MRTFB: variants seen among roughly 807,000 people sequenced by gnomAD.
MRTFB encodes the protein myocardin related transcription factor B, also known as myocardin-related transcription factor B.
MRTFB carries 29 observed loss-of-function variants against 104.2 expected under a neutral mutation model. The observed-to-expected ratio is 0.28, with a 90% CI of 0.21 to 0.38. MRTFB has a LOEUF of 0.38. Among genes scored for constraint, MRTFB ranks in the 10% least tolerant of loss-of-function variants. The pLI is 1.00. For synonymous variants in MRTFB, 535 were observed against 519.5 expected (o/e 1.03, Z -0.41); for missense variants, 1,270 against 1,341.6 (o/e 0.95, Z 0.83).
At chr16:14,041,557 T>C in the MRTFB span, among the ~76,000 whole-genome samples, 1 of 152,234 alleles carries the variant, frequency 6.6e-6, no homozygotes, top group African/African-American at 2.4e-5. Context: ...TTTATTCATG[T>C]ATCCATCAAT....
At chr16:14,007,118 T>A in the MRTFB span, among the ~76,000 whole-genome samples, 1 of 152,244 alleles carries the variant, frequency 6.6e-6, no homozygotes, top group Non-Finnish European at 1.5e-5. Context: ...TGGCTTTCAG[T>A]AAATTCAGAG....
intron 1 of MRTFB, among the ~76,000 whole-genome samples, chr16:14,073,318 T>G (rs942049541): frequency 7.9e-5 from 12 of 152,202 alleles, no homozygotes; most frequent in African/African-American, 2.9e-4. Flanking sequence ...AAACCCTAAA[T>G]GCCAGCGGTG....
chr16:14,076,892 G>C (rs2034095921), intron 1 of MRTFB, among the ~76,000 whole-genome samples: 1 of 152,158 alleles, frequency 6.6e-6, no homozygotes, highest in East Asian at 1.9e-4. Flanking sequence ...GAATCGGGGT[G>C]AGCATCTTTT....
chr16:14,193,346 AG>A (rs1455443737), intron 3 of MRTFB, among the ~76,000 whole-genome samples: 1 of 151,898 alleles, frequency 6.6e-6, no homozygotes, highest in African/African-American at 2.4e-5. Context: ...TGGGGTAAAA[AG>A]CCTTGCCTAT....
chr16:14,246,927 C>G lies in MRTFB; in HGVS notation c.1667C>G (p.Thr556Ser), dbSNP rs1210856332. ...AATAATGAAGACAGTCTGAGTCCCA[C>G]CAGCAGCACTCTGTCAAACCTGGAA... ...MTNNEDSLSP[T>S]SSTLSNLELD... Residue 556 changes from threonine (T) to serine (S), a missense_variant, in exon 12 of 17, where the codon ACC becomes AGC. Thr to Ser is a moderately conservative substitution (Grantham distance 58). This residue lies in a region of MRTFB where 1,144 missense variants were observed against 1,131.5 expected (regional missense o/e 1.01). Coordinates refer to ENST00000571589, the MANE Select transcript of MRTFB (RefSeq NM_001308142.2). 1 of 1,613,988 alleles carries G rather than the reference C, an allele frequency of 6.2e-7. No homozygotes were observed. Among genetic ancestry groups the G allele is most frequent in the Admixed American group, 1.7e-5 (1 of 60,018 alleles).
intron 3 of MRTFB, among the ~76,000 whole-genome samples, chr16:14,157,687 C>G (rs1333090840): frequency 6.6e-6 from 1 of 152,152 alleles, no homozygotes; most frequent in East Asian, 1.9e-4. Context: ...CAGATAGATG[C>G]AGCTCCAACA....
chr16:14,193,373 T>C (rs1043448743), intron 3 of MRTFB, among the ~76,000 whole-genome samples: 3 of 152,094 alleles, frequency 2.0e-5, no homozygotes, highest in African/African-American at 7.2e-5. Flanking sequence ...CAGAAGCCGC[T>C]GGACTTGCTC....
chr16:14,223,718 C>T (rs979523563), intron 8 of MRTFB, among the ~76,000 whole-genome samples: 1 of 152,024 alleles, frequency 6.6e-6, no homozygotes, highest in African/African-American at 2.4e-5. Context: ...ACTTAAGAGA[C>T]TTATAGGACA....
chr16:14,207,001 C>G (rs2040976020), intron 3 of MRTFB, among the ~76,000 whole-genome samples: 1 of 152,040 alleles, frequency 6.6e-6, no homozygotes. Context: ...GCCTCCCCTT[C>G]CATTCATGTT....
intron 3 of MRTFB, among the ~76,000 whole-genome samples, chr16:14,150,033 T>C (rs2038535655): frequency 6.6e-6 from 1 of 152,158 alleles, no homozygotes; most frequent in Non-Finnish European, 1.5e-5. Flanking sequence ...TCTTAGGCTC[T>C]CAGTACATGT....
intron 3 of MRTFB, among the ~76,000 whole-genome samples, chr16:14,155,298 T>C (rs2038787739): frequency 6.6e-6 from 1 of 152,202 alleles, no homozygotes; most frequent in African/African-American, 2.4e-5. Context: ...CTTTTACCTT[T>C]AGAAGTTTTA....
intron 8 of MRTFB, among the ~76,000 whole-genome samples, chr16:14,224,906 T>C (rs1482295070): frequency 6.6e-6 from 1 of 152,180 alleles, no homozygotes; most frequent in Non-Finnish European, 1.5e-5. Flanking sequence ...TAAAATTGGC[T>C]GGGCACGGTG....
At chr16:14,085,815 A>G (rs1337783307) in intron 2 of MRTFB, among the ~76,000 whole-genome samples, 1 of 152,244 alleles carries the variant, frequency 6.6e-6, no homozygotes, top group African/African-American at 2.4e-5. Context: ...AAACATAGAC[A>G]ATTATAGTGA....
chr16:14,254,188 T>C (rs1351637292), intron 15 of MRTFB, among the ~76,000 whole-genome samples: 5 of 152,232 alleles, frequency 3.3e-5, no homozygotes, highest in African/African-American at 1.2e-4. Context: ...TTATATGCCA[T>C]TGAGCACCAA....
rs548181793 is a variant in MRTFB at position 14,212,244 on chromosome 16, G to T, written c.221-110G>T. The T allele has an allele frequency of 1.1e-5, 11 of 1,006,284 alleles. No homozygotes were observed. The African/African-American group carries it at 1.3e-4, about 12-fold the overall frequency. 62.3% of individuals were successfully genotyped at this position (1,006,284 alleles called of 1,614,324 possible). On this transcript the variant is annotated intron_variant, in intron 4 of 16. Transcript: ENST00000571589. The stretch of plus-strand genomic sequence containing the variant: ...TCCTAATGGAACTGGTAAATTAATG[G>T]AACTGTAGTTGTGATCTGTTAATAA...
At chr16:14,222,928 C>T (rs1029071881) in intron 8 of MRTFB, among the ~76,000 whole-genome samples, 1 of 151,786 alleles carries the variant, frequency 6.6e-6, no homozygotes, top group Admixed American at 6.6e-5. Context: ...ACCTATAATC[C>T]CAGCTTACTT....
At chr16:14,133,590 C>A (rs940235100) in intron 2 of MRTFB, among the ~76,000 whole-genome samples, 2 of 152,078 alleles carry the variant, frequency 1.3e-5, no homozygotes, top group Admixed American at 1.3e-4. Context: ...CCCTTTCTTT[C>A]GTTCATCTCT....
At chr16:14,180,587 AC>A (rs531484574) in intron 3 of MRTFB, among the ~76,000 whole-genome samples, 115 of 152,288 alleles carry the variant, frequency 7.6e-4, no homozygotes, top group African/African-American at 2.7e-3. Flanking sequence ...TAGTCAGAAC[AC>A]TTGTGTTGCA....
At chr16:14,159,078 G>A (rs2038934699) in intron 3 of MRTFB, among the ~76,000 whole-genome samples, 1 of 152,070 alleles carries the variant, frequency 6.6e-6, no homozygotes, top group Non-Finnish European at 1.5e-5. Context: ...GAATTGGTGA[G>A]CCAGGATCAC....
Sources: allele counts gnomAD v4.1 joint callset (sites outside exome capture counted in the v4.1 genomes callset), GRCh38; gene constraint gnomAD v4.1.1; regional missense constraint gnomAD v4.1.1; transcripts MANE v1.5; gene names NCBI Gene and HGNC (gene_info 2026-07-23, HGNC 2026-07-21).